Variants in CCDC7 observed in about 807,000 individuals in gnomAD.
The protein encoded by CCDC7 is coiled-coil domain-containing protein 7.
CCDC7 carries 183 observed loss-of-function variants against 196.9 expected under a neutral mutation model. That is an observed-to-expected ratio of 0.93 (90% confidence interval 0.82 to 1.05). The LOEUF is 1.05. CCDC7 is among the 50% of genes least tolerant of loss of function. CCDC7 has a pLI of 0.00. For missense variants in CCDC7, 1,540 were observed against 1,482.2 expected (o/e 1.04, Z -0.64); for synonymous variants, 525 against 484.6 (o/e 1.08, Z -1.10).
chr10:32,828,507 G>A (rs2091677879), intron 32 of CCDC7, among the ~76,000 whole-genome samples: 1 of 139,470 alleles, frequency 7.2e-6, no homozygotes, highest in African/African-American at 2.8e-5. Context: ...AGAAGAAGAA[G>A]AAGAAGAAGA....
At chr10:32,633,373 G>T (rs1389909015) in intron 18 of CCDC7, among the ~76,000 whole-genome samples, 1 of 151,912 alleles carries the variant, frequency 6.6e-6, no homozygotes, top group Non-Finnish European at 1.5e-5. Context: ...CCTTCATTTT[G>T]TATGTATTTG....
chr10:32,642,300 A>G (rs1032112569), intron 20 of CCDC7, among the ~76,000 whole-genome samples: 2 of 152,208 alleles, frequency 1.3e-5, no homozygotes, highest in Non-Finnish European at 2.9e-5. Context: ...GGCTCCACCC[A>G]GTTTGAGTTT....
intron 23 of CCDC7, among the ~76,000 whole-genome samples, chr10:32,693,019 A>G (rs934074894): frequency 4.6e-5 from 7 of 152,174 alleles, no homozygotes; most frequent in African/African-American, 1.4e-4. Flanking sequence ...CTTAACACAT[A>G]CTAGAACAAC....
chr10:32,583,672 G>T (rs932402087), intron 17 of CCDC7, among the ~76,000 whole-genome samples: 4 of 151,852 alleles, frequency 2.6e-5, no homozygotes, highest in Non-Finnish European at 4.4e-5. Flanking sequence ...AACTAATTTT[G>T]AAACAATTTT....
At chr10:32,677,200 C>G (rs1338325230) in intron 21 of CCDC7, among the ~76,000 whole-genome samples, 2 of 117,674 alleles carry the variant, frequency 1.7e-5, no homozygotes, top group Admixed American at 2.5e-4. Flanking sequence ...GAACATCACA[C>G]TCTGGGGACT....
chr10:32,484,768 G>C (rs896328217), intron 8 of CCDC7, among the ~76,000 whole-genome samples: 1 of 152,172 alleles, frequency 6.6e-6, no homozygotes, highest in Non-Finnish European at 1.5e-5. Context: ...TGTGGTTTTT[G>C]TTGTTGGTTC....
chr10:32,736,879 A>G (rs778051914), intron 28 of CCDC7, among the ~76,000 whole-genome samples: 1 of 152,154 alleles, frequency 6.6e-6, no homozygotes, highest in Non-Finnish European at 1.5e-5. Context: ...TGCATTAGTT[A>G]GGACTTCCAG....
intron 7 of CCDC7, among the ~76,000 whole-genome samples, chr10:32,473,616 A>G (rs1026065146): frequency 6.6e-6 from 1 of 152,174 alleles, no homozygotes; most frequent in African/African-American, 2.4e-5. Context: ...GAGACTAGTG[A>G]AAAGAAGAAG....
intron 28 of CCDC7, among the ~76,000 whole-genome samples, chr10:32,730,355 C>A (rs1253344874): frequency 6.6e-6 from 1 of 151,696 alleles, no homozygotes; most frequent in East Asian, 1.9e-4. Flanking sequence ...TCATTTTTTT[C>A]TTGGCTTCTC....
chr10:32,520,187 A>G (rs775844364), intron 11 of CCDC7, among the ~76,000 whole-genome samples: 8 of 152,142 alleles, frequency 5.3e-5, no homozygotes, highest in Non-Finnish European at 1.0e-4. Flanking sequence ...ATGGGAGTGC[A>G]GATGTCTCTT....
chr10:32,544,521 G>A (rs1016925617), intron 13 of CCDC7: 1 of 332,838 alleles, frequency 3.0e-6, no homozygotes, highest in Admixed American at 5.0e-5. Flanking sequence ...GTCAAACCCA[G>A]GCATATTTAT....
Position 32,561,365 on chromosome 10 carries a change from C to A in CCDC7, c.1135-4193C>A, listed in dbSNP as rs115599301. ...GATATACATTTTTTTCAGCACCGCA[C>A]CACACCTATTTGAAAATTGACCACA... On this transcript the variant is annotated intron_variant, in intron 13 of 41. Coordinates refer to ENST00000639629, the Ensembl canonical transcript of CCDC7. 8.4e-3 allele frequency among the ~76,000 whole-genome samples: 1,275 copies of A among 152,248 alleles called. 28 individuals are homozygous for A. The highest frequency in any genetic ancestry group is 0.028 in the African/African-American group (1,174 of 41,534).
At chr10:32,749,311 C>A (rs534366287) in intron 28 of CCDC7, among the ~76,000 whole-genome samples, 1 of 152,178 alleles carries the variant, frequency 6.6e-6, no homozygotes, top group South Asian at 2.1e-4. Context: ...TTTTTATCTT[C>A]CTTACCTCAG....
chr10:32,508,780 G>A (rs553019769), intron 9 of CCDC7, among the ~76,000 whole-genome samples: 35 of 151,592 alleles, frequency 2.3e-4, no homozygotes, highest in East Asian at 7.8e-4. Flanking sequence ...ACAAGCGCCC[G>A]CCACCATGCC....
intron 35 of CCDC7, 48 bp downstream of exon 36, chr10:32,845,674 C>A: frequency 1.3e-6 from 2 of 1,503,944 alleles, no homozygotes; most frequent in Non-Finnish European, 9.2e-7. Flanking sequence ...TATTTATATT[C>A]CTGGAGTTAA....
At chr10:32,485,872 T>C (rs2040962819) in intron 8 of CCDC7, among the ~76,000 whole-genome samples, 1 of 152,238 alleles carries the variant, frequency 6.6e-6, no homozygotes, top group African/African-American at 2.4e-5. Flanking sequence ...CAGTTTGTTA[T>C]AATTTCTGTT....
At chr10:32,808,044 C>T (rs1446741275) in intron 30 of CCDC7, among the ~76,000 whole-genome samples, 1 of 152,130 alleles carries the variant, frequency 6.6e-6, no homozygotes, top group Non-Finnish European at 1.5e-5. Context: ...CTCAATCCTA[C>T]CCAGCGGCAG....
At chr10:32,578,302 C>G (rs2058420326) in intron 16 of CCDC7, among the ~76,000 whole-genome samples, 1 of 151,798 alleles carries the variant, frequency 6.6e-6, no homozygotes, top group Non-Finnish European at 1.5e-5. Flanking sequence ...GCACCAGGGA[C>G]CAGTTTCGTG....
chr10:32,676,116 G>C (rs2074923036), intron 21 of CCDC7, among the ~76,000 whole-genome samples: 1 of 146,942 alleles, frequency 6.8e-6, no homozygotes, highest in African/African-American at 2.5e-5. Flanking sequence ...TCAAACCTGA[G>C]AAAAACAAGC....
Sources: gnomAD v4.1 joint callset for allele counts (sites outside exome capture counted in the v4.1 genomes callset) on GRCh38, gnomAD v4.1.1 for gene constraint, MANE v1.5 for transcripts, NCBI Gene and HGNC (gene_info 2026-07-23, HGNC 2026-07-21) for gene names.